Variants in CTNNA1 observed in about 807,000 individuals in gnomAD.
CTNNA1 encodes catenin alpha 1, also known as catenin alpha-1.
A neutral mutation model predicts 98.4 loss-of-function variants in CTNNA1; 37 were observed. That is an observed-to-expected ratio of 0.38 (90% confidence interval 0.29 to 0.49). CTNNA1 has a LOEUF of 0.49. Ranked by LOEUF, CTNNA1 falls within the 20% of genes least tolerant of loss-of-function variation. The pLI is 0.95. For missense variants in CTNNA1, 761 were observed against 1,147.2 expected (o/e 0.66, Z 4.86); for synonymous variants, 404 against 413.2 (o/e 0.98, Z 0.27).
intron 7 of CTNNA1, among the ~76,000 whole-genome samples, chr5:138,879,236 A>G (rs1752367380): frequency 7.1e-6 from 1 of 141,780 alleles, no homozygotes; most frequent in Non-Finnish European, 1.5e-5. Context: ...TGTGTGTCTT[A>G]TGTCCTCTGC....
chr5:138,863,946 G>A (rs1459892362), intron 7 of CTNNA1, among the ~76,000 whole-genome samples: 1 of 152,142 alleles, frequency 6.6e-6, no homozygotes, highest in African/African-American at 2.4e-5. Context: ...AATGCAGTCT[G>A]AAAAATATCT....
chr5:138,776,783 G>A (rs1380931813), intron 1 of CTNNA1, among the ~76,000 whole-genome samples: 2 of 149,228 alleles, frequency 1.3e-5, no homozygotes, highest in South Asian at 2.1e-4. Context: ...CGGACGGGGC[G>A]GCTGGCCAGG....
chr5:138,779,717 G>GTTTT (rs1419754755), intron 1 of CTNNA1, among the ~76,000 whole-genome samples: 1 of 74,478 alleles, frequency 1.3e-5, no homozygotes, highest in African/African-American at 4.5e-5. Flanking sequence ...GTTTTTTTTT[G>GTTTT]TTTTTGTTTT....
intron 7 of CTNNA1, chr5:138,870,614 C>T (rs1009451748): frequency 6.6e-6 from 1 of 152,130 alleles, no homozygotes; most frequent in African/African-American, 2.4e-5. Context: ...ATTTCTTACC[C>T]ATCCCACAGT....
chr5:138,854,428 C>T (rs1381858721), intron 7 of CTNNA1, among the ~76,000 whole-genome samples: 1 of 152,154 alleles, frequency 6.6e-6, no homozygotes, highest in African/African-American at 2.4e-5. Context: ...CTCCATTTCC[C>T]CCCAACTGAA....
intron 3 of CTNNA1, among the ~76,000 whole-genome samples, chr5:138,797,722 G>GT (rs773921899): frequency 5.9e-5 from 9 of 152,086 alleles, no homozygotes; most frequent in Non-Finnish European, 1.0e-4. Context: ...TTACGTTGTG[G>GT]TTGGGAACCT....
At chr5:138,918,587 C>G (rs1459385237) in intron 11 of CTNNA1, among the ~76,000 whole-genome samples, 1 of 152,188 alleles carries the variant, frequency 6.6e-6, no homozygotes, top group Admixed American at 6.5e-5. Context: ...ATTATATAAA[C>G]ATAAACTGGT....
intron 1 of CTNNA1, among the ~76,000 whole-genome samples, chr5:138,773,859 C>T (rs533436988): frequency 2.0e-5 from 3 of 151,966 alleles, no homozygotes; most frequent in South Asian, 2.1e-4. Flanking sequence ...TATGGATGCA[C>T]ACCACTACAC....
In CTNNA1 at chr5:138,886,265, C is replaced by G; in HGVS notation, c.1116C>G (p.Thr372=). 1 of 1,610,098 alleles carries G rather than the reference C, an allele frequency of 6.2e-7. No homozygotes were observed. The highest frequency in any genetic ancestry group is 2.2e-5 in the East Asian group (1 of 44,714). Residue 372 remains threonine, a synonymous_variant, in exon 8 of 18, where the codon ACC becomes ACG. Coordinates refer to ENST00000302763, the MANE Select transcript of CTNNA1 (RefSeq NM_001903.5). ...TCAATTCTGCAATAGATAAAATGAC[C>G]AAGAAGACCAGGGACTTGCGTAGAC... is the stretch of plus-strand genomic sequence containing the variant. ...DALNSAIDKM[T]KKTRDLRRQL... is the part of the protein sequence containing the mutation.
intron 5 of CTNNA1, among the ~76,000 whole-genome samples, chr5:138,815,878 C>T (rs920403905): frequency 1.3e-5 from 2 of 152,180 alleles, no homozygotes; most frequent in Middle Eastern, 3.4e-3. Flanking sequence ...TAGGCTTGGG[C>T]CTTGGTGTAT....
At position 138,910,226 on chromosome 5, in the gene CTNNA1, C is replaced by CTT. The variant is rs70982740; in HGVS notation, c.1389+5811_1389+5812dup. ...AAATTGGAAAGTGTTTCCTACTTTT[C>CTT]TTTTTTTTTTTTTTTTTTTTTTTTT... On this transcript the variant is annotated intron_variant, in intron 10 of 17. Coordinates refer to ENST00000302763, the MANE Select transcript of CTNNA1 (RefSeq NM_001903.5). Among the ~76,000 whole-genome samples the CTT allele has an allele frequency of 4.8e-3, 258 of 53,296 alleles. 18 individuals carry two copies. The highest frequency in any genetic ancestry group is 0.013 in the African/African-American group (168 of 12,736). 35.0% of individuals were successfully genotyped at this position (53,296 alleles called of 152,430 possible).
intron 10 of CTNNA1, among the ~76,000 whole-genome samples, chr5:138,907,285 G>A (rs1400364272): frequency 6.6e-6 from 1 of 152,354 alleles, no homozygotes; most frequent in Middle Eastern, 3.4e-3. Context: ...CTCCAAAAGT[G>A]CTGGGATTAC....
rs1272460374 is a variant in CTNNA1, at chr5:138,924,695, C to T, written c.1732C>T (p.Leu578=). ...AGAGAAGGTTCTGGAAGCCACTAAG[C>T]TGCTCTCCAACACAGGTACGGGAAC... is the stretch of plus-strand genomic sequence containing the variant. The part of the protein sequence containing the change: ...YTEKVLEATK[L]LSNTVMPRFT... The change falls in exon 12 of 18, where the codon CTG becomes TTG. Residue 578 remains leucine, a synonymous_variant. Transcript: ENST00000302763. 8 of 1,579,600 alleles carry T rather than the reference C, an allele frequency of 5.1e-6. No individual in the cohort carries two copies. Among genetic ancestry groups the T allele is most frequent in the Non-Finnish European group, 6.0e-6 (7 of 1,162,270 alleles).
At chr5:138,865,702 A>G (rs1201710558) in intron 7 of CTNNA1, among the ~76,000 whole-genome samples, 1 of 152,214 alleles carries the variant, frequency 6.6e-6, no homozygotes. Flanking sequence ...ATGTGGACTC[A>G]CATACAATAT....
Position 138,759,711 on chromosome 5 carries a change from A to G in CTNNA1, c.-3+6201A>G, listed in dbSNP as rs1461042560. On this transcript the variant is annotated intron_variant, in intron 1 of 17. Coordinates refer to ENST00000302763, the MANE Select transcript of CTNNA1 (RefSeq NM_001903.5). ...TCCTGGTTCCCAAAAGCTGCTTGCA[A>G]GCTGTTTCAGGAATGCATTGTAGGT... Among the ~76,000 whole-genome samples the G allele has an allele frequency of 5.9e-5, 9 of 152,198 alleles. No homozygotes were observed. The South Asian group carries it at 6.2e-4, about 10-fold the overall frequency.
At chr5:138,877,494 G>A (rs1178681723) in intron 7 of CTNNA1, among the ~76,000 whole-genome samples, 1 of 146,366 alleles carries the variant, frequency 6.8e-6, no homozygotes, top group African/African-American at 2.5e-5. Flanking sequence ...AGGCCGGACT[G>A]CGGACTGCAG....
intron 9 of CTNNA1, among the ~76,000 whole-genome samples, chr5:138,897,127 G>A (rs1296937971): frequency 6.6e-6 from 1 of 152,058 alleles, no homozygotes; most frequent in African/African-American, 2.4e-5. Flanking sequence ...AGTAACTTCA[G>A]TCCAAAATCC....
chr5:138,927,730 G>GAATC (rs1429837382), intron 13 of CTNNA1, among the ~76,000 whole-genome samples: 28 of 151,842 alleles, frequency 1.8e-4, no homozygotes, highest in African/African-American at 6.0e-4. Flanking sequence ...ATGAATGAAT[G>GAATC]AATGAATGAA....
At chr5:138,866,725 C>T (rs1401074939) in intron 7 of CTNNA1, among the ~76,000 whole-genome samples, 1 of 152,196 alleles carries the variant, frequency 6.6e-6, no homozygotes, top group Non-Finnish European at 1.5e-5. Context: ...AGATTTCTTG[C>T]TCTTTACTGT....
Sources: gnomAD v4.1 joint callset for allele counts (sites outside exome capture counted in the v4.1 genomes callset) on GRCh38, gnomAD v4.1.1 for gene constraint, MANE v1.5 for transcripts, NCBI Gene and HGNC (gene_info 2026-07-23, HGNC 2026-07-21) for gene names.